The following SLC6A2 variants were observed in gnomAD, a reference collection of about 807,000 sequenced individuals.
SLC6A2 encodes the protein solute carrier family 6 member 2.
Under a neutral mutation model 71.7 loss-of-function variants are expected in SLC6A2, and 26 were observed. That is an observed-to-expected ratio of 0.36 (90% confidence interval 0.27 to 0.50). The LOEUF is 0.50. Among genes scored for constraint, SLC6A2 ranks in the 20% least tolerant of loss-of-function variants. The pLI is 0.96. For missense variants in SLC6A2, 581 were observed against 803.9 expected (o/e 0.72, Z 3.35); for synonymous variants, 363 against 337.9 (o/e 1.07, Z -0.82).
At chr16:55,682,103 C>T (rs749515986) in intron 4 of SLC6A2, among the ~76,000 whole-genome samples, 18 of 152,140 alleles carry the variant, frequency 1.2e-4, no homozygotes, top group Non-Finnish European at 2.1e-4. Flanking sequence ...GACAGGGTTT[C>T]GCCATGTTGA....
At chr16:55,664,323 G>T (rs923773451) in intron 2 of SLC6A2, among the ~76,000 whole-genome samples, 4 of 152,164 alleles carry the variant, frequency 2.6e-5, no homozygotes, top group Admixed American at 2.0e-4. Context: ...AGGTAATGGG[G>T]CTGGCTGTGG....
At chr16:55,696,605 C>T (rs1482028724) in intron 9 of SLC6A2, among the ~76,000 whole-genome samples, 1 of 152,240 alleles carries the variant, frequency 6.6e-6, no homozygotes, top group East Asian at 1.9e-4. Context: ...ACACTGTCCT[C>T]TTGCAGGTGG....
At chr16:55,683,774 G>T (rs1362038717) in intron 4 of SLC6A2, among the ~76,000 whole-genome samples, 1 of 152,152 alleles carries the variant, frequency 6.6e-6, no homozygotes, top group Non-Finnish European at 1.5e-5. Context: ...ACCCAGCTCA[G>T]GAAAGAGCAT....
chr16:55,670,655 C>T (rs938729222), intron 3 of SLC6A2, among the ~76,000 whole-genome samples: 2 of 152,150 alleles, frequency 1.3e-5, no homozygotes, highest in Non-Finnish European at 2.9e-5. Context: ...CAACCCCGGG[C>T]TTAAATTTTA....
intron 4 of SLC6A2, among the ~76,000 whole-genome samples, chr16:55,676,532 C>G (rs532012412): frequency 1.3e-5 from 2 of 152,184 alleles, no homozygotes; most frequent in East Asian, 3.9e-4. Flanking sequence ...CATTTTGCAC[C>G]GTAGGAGCTT....
chr16:55,700,392 G>A (rs1309294239), intron 13 of SLC6A2, 86 bp downstream of exon 13: 10 of 1,182,016 alleles, frequency 8.5e-6, no homozygotes, highest in Non-Finnish European at 1.1e-5. Flanking sequence ...TGGGGTGGGG[G>A]AAGGGACAGA....
At chr16:55,684,396 G>A (rs775860052) in intron 4 of SLC6A2, among the ~76,000 whole-genome samples, 8 of 151,898 alleles carry the variant, frequency 5.3e-5, no homozygotes, top group Non-Finnish European at 1.0e-4. Context: ...AGTACTTTGC[G>A]ATTTGGGGTT....
At chr16:55,675,302 A>G (rs1965050122) in intron 4 of SLC6A2, among the ~76,000 whole-genome samples, 1 of 152,222 alleles carries the variant, frequency 6.6e-6, no homozygotes, top group African/African-American at 2.4e-5. Context: ...ACCTGATACA[A>G]CTTGTGGGGC....
At chr16:55,699,467 C>G (rs1472350102) in intron 11 of SLC6A2, 87 bp from the exon 12 acceptor site, 2 of 1,035,862 alleles carry the variant, frequency 1.9e-6, no homozygotes, top group African/African-American at 1.6e-5. Context: ...CTGCCCTGCT[C>G]TCCACCTGGG....
intron 4 of SLC6A2, among the ~76,000 whole-genome samples, chr16:55,674,685 A>G (rs1596971645): frequency 6.6e-6 from 1 of 152,284 alleles, no homozygotes; most frequent in African/African-American, 2.4e-5. Context: ...TTGGCCTCCC[A>G]AAGTGCTGGG....
In SLC6A2 at chr16:55,703,067, A is replaced by G; in HGVS notation, c.*721A>G. 2 of 986,554 alleles carry G rather than the reference A, an allele frequency of 2.0e-6. No homozygotes were observed. The highest frequency in any genetic ancestry group is 2.4e-6 in the Non-Finnish European group (2 of 830,774). The allele number at this position is 986,554 out of a possible 1,614,324, so 61.1% of individuals were successfully genotyped here. A position where few individuals can be genotyped will look rare whatever the true frequency, so the allele number is the denominator to read the frequency against. ...ATATGGGGGACAGGAGGAAGAGGGT[A>G]AATGAACCACAGTGAGCAGGTTCTA... On this transcript the variant is annotated 3_prime_UTR_variant, in exon 15 of 15. Transcript: ENST00000568943.
At chr16:55,691,847 C>T in intron 5 of SLC6A2, 71 bp from the exon 6 acceptor site, 3 of 1,564,476 alleles carry the variant, frequency 1.9e-6, no homozygotes. Context: ...GGAAAGGGCT[C>T]TGTGCCCCAC....
intron 3 of SLC6A2, among the ~76,000 whole-genome samples, chr16:55,670,009 C>G (rs752176557): frequency 2.0e-4 from 31 of 152,246 alleles, no homozygotes; most frequent in Non-Finnish European, 4.1e-4. Flanking sequence ...CACCACTACT[C>G]TCTCCTTTTG....
At position 55,701,889 on chromosome 16, in the gene SLC6A2, G is replaced by A. The variant is rs769261259; in HGVS notation, c.1785G>A (p.Glu595=). The A allele has an allele frequency of 1.2e-6, 2 of 1,614,108 alleles. No individual in the cohort carries two copies. The highest frequency in any genetic ancestry group is 1.1e-5 in the South Asian group (1 of 91,076). The change falls in exon 14 of 15, where the codon GAG becomes GAA. Residue 595 remains glutamate (E), a synonymous_variant. Transcript: ENST00000568943. ...GACTGGCCTATGGCATCACGCCAGAGAACGAGCACCACCTGGTGGCTCAGA... is the reference window on the plus strand; with the variant it reads ...GACTGGCCTATGGCATCACGCCAGAAAACGAGCACCACCTGGTGGCTCAGA... ...WERLAYGITP[E]NEHHLVAQRD...
chr16:55,661,430 G>A (rs1964606759), intron 2 of SLC6A2, among the ~76,000 whole-genome samples: 1 of 152,200 alleles, frequency 6.6e-6, no homozygotes, highest in Admixed American at 6.5e-5. Context: ...CCTTCTTGCA[G>A]GGTGAGATGG....
chr16:55,677,269 G>A lies in SLC6A2; in HGVS notation c.644+5094G>A, dbSNP rs140151606. ...TTATGAACATGGTTTGGAGGGGAAG[G>A]TGGTAAAGATAGTGGAGCAGAGTGC... On this transcript the variant is annotated intron_variant, in intron 4 of 14. Coordinates refer to ENST00000568943, the MANE Select transcript of SLC6A2 (RefSeq NM_001172501.3). 1.5e-3 allele frequency among the ~76,000 whole-genome samples: 233 copies of A among 152,194 alleles called. 1 individual carries two copies. Among genetic ancestry groups the A allele is most frequent in the African/African-American group, 5.2e-3 (214 of 41,456 alleles).
chr16:55,666,855 C>T (rs551048580), intron 2 of SLC6A2, among the ~76,000 whole-genome samples: 37 of 152,302 alleles, frequency 2.4e-4, no homozygotes, highest in African/African-American at 8.4e-4. Context: ...AGTATTGAGT[C>T]GCTGGGGGCA....
intron 13 of SLC6A2, 68 bp downstream of exon 13, chr16:55,700,374 AT>A (rs1426566219): frequency 8.0e-6 from 11 of 1,382,176 alleles, no homozygotes; most frequent in Non-Finnish European, 1.0e-5. Context: ...GACGACTCTC[AT>A]TCCTGTTGGG....
In SLC6A2 at chr16:55,705,063, T is replaced by C; in HGVS notation, c.*2717T>C. 1 of 658,924 alleles carries C rather than the reference T, an allele frequency of 1.5e-6. No individual in the cohort carries two copies. Among genetic ancestry groups the C allele is most frequent in the Non-Finnish European group, 2.7e-6 (1 of 374,704 alleles). The allele number at this position is 658,924 out of a possible 1,614,324, so 40.8% of individuals were successfully genotyped here. On this transcript the variant is annotated 3_prime_UTR_variant, in exon 15 of 15. Transcript: ENST00000568943. ...GGTCACCCGGGACAAGGGTGCTGTG[T>C]ACTGTATATGACACTTGACGCTTTT...
Sources: gnomAD v4.1 joint callset for allele counts (sites outside exome capture counted in the v4.1 genomes callset) on GRCh38, gnomAD v4.1.1 for gene constraint, MANE v1.5 for transcripts, NCBI Gene and HGNC (gene_info 2026-07-23, HGNC 2026-07-21) for gene names.